The following REEP1 variants were observed in gnomAD, a reference collection of about 807,000 sequenced individuals.
The protein encoded by REEP1 is receptor expression-enhancing protein 1.
A neutral mutation model predicts 40.3 loss-of-function variants in REEP1; 22 were observed. The observed-to-expected ratio is 0.55, with a 90% CI of 0.39 to 0.78. REEP1 has a LOEUF of 0.78. Among genes scored for constraint, REEP1 ranks in the 30% least tolerant of loss-of-function variants. REEP1 has a pLI of 0.00. For synonymous variants in REEP1, 116 were observed against 139.2 expected (o/e 0.83, Z 1.17); for missense variants, 280 against 361.1 (o/e 0.78, Z 1.82).
At chr2:86,254,583 A>G (rs1676446735) in intron 4 of REEP1, 111 bp downstream of exon 4, 1 of 1,166,106 alleles carries the variant, frequency 8.6e-7, no homozygotes, top group African/African-American at 1.5e-5. Flanking sequence ...GACTTGCTGG[A>G]GGCAAATGAG....
At chr2:86,229,244 C>T (rs1182495803) in intron 6 of REEP1, among the ~76,000 whole-genome samples, 2 of 152,196 alleles carry the variant, frequency 1.3e-5, no homozygotes, top group African/African-American at 4.8e-5. Context: ...GTAGCGACTG[C>T]CTGGGTTGTT....
chr2:86,297,936 G>A (rs779938924), intron 1 of REEP1, among the ~76,000 whole-genome samples: 4 of 152,168 alleles, frequency 2.6e-5, no homozygotes, highest in Non-Finnish European at 4.4e-5. Flanking sequence ...AGTATAATTT[G>A]GCAAAAACTT....
At chr2:86,301,293 G>A (rs1465097632) in intron 1 of REEP1, among the ~76,000 whole-genome samples, 1 of 152,222 alleles carries the variant, frequency 6.6e-6, no homozygotes, top group East Asian at 1.9e-4. Flanking sequence ...GCAGATAATG[G>A]CAGCCAGCTT....
At chr2:86,252,908 T>C (rs1465330705) in intron 4 of REEP1, among the ~76,000 whole-genome samples, 1 of 152,238 alleles carries the variant, frequency 6.6e-6, no homozygotes, top group Non-Finnish European at 1.5e-5. Context: ...AATATTGGTT[T>C]AGTTCAAATT....
rs1043549930 is a variant in REEP1, at chr2:86,215,246, G to A, written c.*1793C>T. 2.0e-5 allele frequency: 3 copies of A among 152,016 alleles called. No homozygotes were observed. Among genetic ancestry groups the A allele is most frequent in the South Asian group, 2.1e-4 (1 of 4,828 alleles). The allele number at this position is 152,016 out of a possible 1,614,324, so 9.4% of individuals were successfully genotyped here. On this transcript the variant is annotated 3_prime_UTR_variant, in exon 9 of 9. Transcript: ENST00000538924. ...TGTTTATCCTCTCAGCCACAAATTC[G>A]CTTTTAGGTATATTTTCCTATACCC... is the stretch of plus-strand genomic sequence containing the variant.
At chr2:86,277,303 C>T (rs1435658587) in intron 2 of REEP1, among the ~76,000 whole-genome samples, 1 of 152,070 alleles carries the variant, frequency 6.6e-6, no homozygotes, top group Non-Finnish European at 1.5e-5. Flanking sequence ...CACCTGTAAT[C>T]CCAGCACTTT....
chr2:86,321,001 G>A (rs1483407234), intron 1 of REEP1, among the ~76,000 whole-genome samples: 1 of 152,158 alleles, frequency 6.6e-6, no homozygotes. Flanking sequence ...CTATTTTGTA[G>A]AGATGGGGTT....
intron 1 of REEP1, among the ~76,000 whole-genome samples, chr2:86,328,014 G>A (rs1207489890): frequency 6.6e-6 from 1 of 152,136 alleles, no homozygotes; most frequent in Non-Finnish European, 1.5e-5. Flanking sequence ...GTAGACAGGC[G>A]AGTATTTTGA....
At chr2:86,252,697 C>A (rs1016241789) in intron 4 of REEP1, among the ~76,000 whole-genome samples, 1 of 152,112 alleles carries the variant, frequency 6.6e-6, no homozygotes, top group African/African-American at 2.4e-5. Flanking sequence ...TTATTTAATT[C>A]TAAAATCAAA....
chr2:86,291,427 T>C (rs1678686405), intron 1 of REEP1, among the ~76,000 whole-genome samples: 1 of 152,234 alleles, frequency 6.6e-6, no homozygotes, highest in Admixed American at 6.5e-5. Context: ...GACATGTTCT[T>C]CTTTTTCACC....
chr2:86,277,225 T>TG, intron 2 of REEP1, among the ~76,000 whole-genome samples: 1 of 151,984 alleles, frequency 6.6e-6, no homozygotes, highest in South Asian at 2.1e-4. Flanking sequence ...CAAACAGCCT[T>TG]GGGGGGGCCT....
At chr2:86,226,138 C>T (rs868565076) in intron 7 of REEP1, among the ~76,000 whole-genome samples, 30 of 150,280 alleles carry the variant, frequency 2.0e-4, no homozygotes, top group African/African-American at 6.4e-4. Context: ...ACCACCACCA[C>T]CATCATCATC....
chr2:86,292,321 A>C (rs962818568), intron 1 of REEP1, among the ~76,000 whole-genome samples: 15 of 152,238 alleles, frequency 9.9e-5, no homozygotes, highest in African/African-American at 3.6e-4. Flanking sequence ...CAGAAACAGT[A>C]ACTGCAAATG....
intron 1 of REEP1, among the ~76,000 whole-genome samples, chr2:86,328,283 C>T (rs1036440409): frequency 6.6e-6 from 1 of 152,362 alleles, no homozygotes; most frequent in South Asian, 2.1e-4. Context: ...GCGTGACCCA[C>T]TCAGCCCAAT....
At chr2:86,219,915 A>T (rs1674327962) in intron 8 of REEP1, 55 bp downstream of exon 8, 2 of 1,222,672 alleles carry the variant, frequency 1.6e-6, no homozygotes, top group Non-Finnish European at 1.0e-6. Context: ...CCCAATCTCC[A>T]GGGCATAGCC....
intron 6 of REEP1, among the ~76,000 whole-genome samples, chr2:86,228,175 C>T (rs114406144): frequency 0.011 from 1,672 of 152,310 alleles, 25 homozygotes; most frequent in African/African-American, 0.035. Flanking sequence ...CCTTCTCCAA[C>T]GCCTAGACCC....
rs150054787 is a variant in REEP1 at position 86,297,705 on chromosome 2, G to A, written c.33-15463C>T. 2.3e-4 allele frequency: 227 copies of A among 985,366 alleles called. No individual in the cohort carries two copies. The African/African-American group carries it at 3.3e-3, about 14-fold the overall frequency. The allele number at this position is 985,366 out of a possible 1,614,324, so 61.0% of individuals were successfully genotyped here. A position where few individuals can be genotyped will look rare whatever the true frequency, so the allele number is the denominator to read the frequency against. ...GGATGTTTTCTGAAGCCATGGGGAG[G>A]AGCGTCACTGTCTCAGTGGAATCAT... On this transcript the variant is annotated intron_variant, in intron 1 of 8. Coordinates refer to ENST00000538924, the MANE Select transcript of REEP1 (RefSeq NM_001371279.1).
chr2:86,234,243 C>T (rs115687104), intron 5 of REEP1, among the ~76,000 whole-genome samples: 3,145 of 152,062 alleles, frequency 0.021, 65 homozygotes, highest in Non-Finnish European at 0.032. Context: ...AGAGGGCAGG[C>T]GTGGTGGCTC....
intron 7 of REEP1, among the ~76,000 whole-genome samples, chr2:86,221,467 T>G (rs970308642): frequency 1.3e-5 from 2 of 152,216 alleles, no homozygotes; most frequent in South Asian, 2.1e-4. Context: ...CTCTGCTCCC[T>G]TCCTCTGTCC....
Sources: gnomAD v4.1 joint callset for allele counts (sites outside exome capture counted in the v4.1 genomes callset) on GRCh38, gnomAD v4.1.1 for gene constraint, MANE v1.5 for transcripts, NCBI Gene and HGNC (gene_info 2026-07-23, HGNC 2026-07-21) for gene names.